EIPR1: variants seen among roughly 807,000 people sequenced by gnomAD.
EIPR1 encodes the protein EARP complex and GARP complex interacting protein 1.
In EIPR1, 25 loss-of-function variants were observed where a neutral mutation model predicts 48.1. That is an observed-to-expected ratio of 0.52 (90% confidence interval 0.38 to 0.73). EIPR1 has a LOEUF of 0.73. Ranked by LOEUF, EIPR1 falls within the 30% of genes least tolerant of loss-of-function variation. The pLI is 0.00. For missense variants in EIPR1, 415 were observed against 506.2 expected, an observed-to-expected ratio of 0.82 and a Z score of 1.73; for synonymous variants, 204 against 201.9, an observed-to-expected ratio of 1.01 and a Z score of -0.09.
chr2:3,339,819 G>A (rs1043672365), intron 2 of EIPR1, among the ~76,000 whole-genome samples: 11 of 152,276 alleles, frequency 7.2e-5, no homozygotes, highest in South Asian at 2.1e-4. Context: ...GCGTGGTGGC[G>A]GGCACCTGTA....
At chr2:3,234,570 G>T (rs996157612) in intron 4 of EIPR1, among the ~76,000 whole-genome samples, 1 of 152,242 alleles carries the variant, frequency 6.6e-6, no homozygotes, top group Non-Finnish European at 1.5e-5. Context: ...GCCCAGGGCC[G>T]TGGCGGTCAA....
chr2:3,245,845 G>A (rs747842405), intron 4 of EIPR1, among the ~76,000 whole-genome samples: 10 of 152,190 alleles, frequency 6.6e-5, no homozygotes, highest in South Asian at 2.1e-4. Flanking sequence ...GACTGCTTGC[G>A]CCCAGCAGTT....
intron 3 of EIPR1, among the ~76,000 whole-genome samples, chr2:3,267,582 G>A (rs1209324993): frequency 1.3e-5 from 2 of 152,230 alleles, no homozygotes; most frequent in Non-Finnish European, 2.9e-5. Context: ...TAAAGATTGA[G>A]CTAGCAATTT....
At chr2:3,377,005 TG>T (rs1659905380) in intron 1 of EIPR1, among the ~76,000 whole-genome samples, 1 of 152,242 alleles carries the variant, frequency 6.6e-6, no homozygotes. Flanking sequence ...GCTTATGCTC[TG>T]GGGGCTCATT....
At position 3,321,333 on chromosome 2, in the gene EIPR1, G is replaced by A. The variant is rs544029923; in HGVS notation, c.259+16684C>T. On this transcript the variant is annotated intron_variant, in intron 3 of 8. Transcript: ENST00000382125. ...AAATGGGAAGGAAACTTTAACCGGAGACACACAAGCCGGCATGCTTGAGAA... is the reference window on the plus strand; with the variant it reads ...AAATGGGAAGGAAACTTTAACCGGAAACACACAAGCCGGCATGCTTGAGAA... Among the ~76,000 whole-genome samples the A allele has an allele frequency of 2.6e-5, 4 of 152,304 alleles. No homozygotes were observed. The South Asian group carries it at 8.3e-4, about 32-fold the overall frequency.
chr2:3,215,250 A>G (rs905277440), intron 4 of EIPR1, among the ~76,000 whole-genome samples: 1 of 152,194 alleles, frequency 6.6e-6, no homozygotes, highest in Non-Finnish European at 1.5e-5. Flanking sequence ...ATGGAGGCAG[A>G]GAGGAGAAGA....
intron 3 of EIPR1, among the ~76,000 whole-genome samples, chr2:3,313,375 G>A (rs1441902574): frequency 6.6e-6 from 1 of 152,102 alleles, no homozygotes; most frequent in Non-Finnish European, 1.5e-5. Context: ...AAAAAAGTGG[G>A]TGGGGGGGTT....
At chr2:3,234,296 A>T (rs1014019087) in intron 4 of EIPR1, among the ~76,000 whole-genome samples, 52 of 152,292 alleles carry the variant, frequency 3.4e-4, no homozygotes, top group African/African-American at 1.2e-3. Flanking sequence ...TTAAATTCTG[A>T]AACTGAAAAG....
chr2:3,246,126 C>G (rs967486144), intron 4 of EIPR1, among the ~76,000 whole-genome samples: 3 of 152,166 alleles, frequency 2.0e-5, no homozygotes, highest in Non-Finnish European at 1.5e-5. Context: ...AGTGGCAATA[C>G]TGCCATAATC....
intron 4 of EIPR1, among the ~76,000 whole-genome samples, chr2:3,219,724 T>G (rs1665804442): frequency 6.6e-6 from 1 of 152,034 alleles, no homozygotes; most frequent in African/African-American, 2.4e-5. Context: ...GCATTCACAG[T>G]GACTCAGGTG....
intron 2 of EIPR1, among the ~76,000 whole-genome samples, chr2:3,339,620 G>C (rs1366369217): frequency 6.6e-6 from 1 of 152,178 alleles, no homozygotes; most frequent in Non-Finnish European, 1.5e-5. Context: ...CCATCCTCAC[G>C]ACAGTGAATT....
chr2:3,299,374 C>T lies in EIPR1; in HGVS notation c.259+38643G>A, dbSNP rs192308975. Among the ~76,000 whole-genome samples the T allele has an allele frequency of 2.4e-3, 360 of 151,764 alleles. 1 individual carries two copies. The highest frequency in any genetic ancestry group is 0.017 in the Middle Eastern group (5 of 294). ...TCGGCCCTGGGTCAGCTCATTGTCC[C>T]AGCGACTCTGCTTGGGGCTCTGCTG... On this transcript the variant is annotated intron_variant, in intron 3 of 8. Coordinates refer to ENST00000382125, the MANE Select transcript of EIPR1 (RefSeq NM_003310.5).
chr2:3,274,713 A>G (rs1667796926), intron 3 of EIPR1, among the ~76,000 whole-genome samples: 1 of 152,194 alleles, frequency 6.6e-6, no homozygotes, highest in African/African-American at 2.4e-5. Context: ...TAATGATAAT[A>G]ACAATATTTA....
chr2:3,370,540 T>C (rs1239599927), intron 1 of EIPR1, among the ~76,000 whole-genome samples: 2 of 152,018 alleles, frequency 1.3e-5, no homozygotes, highest in African/African-American at 2.4e-5. Context: ...GAGAAGTGCT[T>C]AAAGGAGCTG....
intron 3 of EIPR1, 50 bp from the exon 4 acceptor site, chr2:3,257,505 G>A (rs371126653): frequency 2.8e-5 from 45 of 1,594,118 alleles, no homozygotes; most frequent in South Asian, 4.5e-5. Flanking sequence ...GGTGTGCCCC[G>A]CATTCTGCAG....
Position 3,337,988 on chromosome 2 carries a change from A to G in EIPR1, c.259+29T>C, listed in dbSNP as rs1226155376. ...GAAATACCTCCAGTTACCTCCAGTT[A>G]GCAAGTACCTTAGAAAAGCCGCACT... On this transcript the variant is annotated intron_variant, in intron 3 of 8. Transcript: ENST00000382125. The G allele has an allele frequency of 2.5e-6, 4 of 1,575,312 alleles. No homozygotes were observed. The East Asian group carries it at 9.0e-5, about 36-fold the overall frequency.
At chr2:3,203,723 G>A (rs765963898) in intron 5 of EIPR1, among the ~76,000 whole-genome samples, 100 of 152,370 alleles carry the variant, frequency 6.6e-4, no homozygotes, top group Non-Finnish European at 6.9e-4. Flanking sequence ...GACCAGCACC[G>A]CAGGGCGGGG....
At chr2:3,190,271 A>G (rs1192016338) in intron 8 of EIPR1, among the ~76,000 whole-genome samples, 2 of 152,220 alleles carry the variant, frequency 1.3e-5, no homozygotes, top group Non-Finnish European at 2.9e-5. Context: ...CTTCTCTGGC[A>G]CTTTACTTCC....
chr2:3,282,203 C>T (rs1668034356), intron 3 of EIPR1, among the ~76,000 whole-genome samples: 1 of 152,238 alleles, frequency 6.6e-6, no homozygotes, highest in Non-Finnish European at 1.5e-5. Flanking sequence ...TGTCGGCAAC[C>T]ATCACCAGCC....
Sources: gnomAD v4.1 joint callset for allele counts (sites outside exome capture counted in the v4.1 genomes callset) on GRCh38, gnomAD v4.1.1 for gene constraint, MANE v1.5 for transcripts, NCBI Gene and HGNC (gene_info 2026-07-23, HGNC 2026-07-21) for gene names.